CSNK1G1: variants seen among roughly 807,000 people sequenced by gnomAD.
The protein encoded by CSNK1G1 is casein kinase I isoform gamma-1.
CSNK1G1 carries 22 observed loss-of-function variants against 59.6 expected under a neutral mutation model. The observed-to-expected ratio is 0.37, with a 90% confidence interval of 0.26 to 0.53. The LOEUF (loss-of-function observed/expected upper bound fraction) is 0.53. Among genes scored for constraint, CSNK1G1 ranks in the 20% least tolerant of loss-of-function variants. The pLI is 0.89. For synonymous variants in CSNK1G1, 179 were observed against 177.1 expected, an observed-to-expected ratio of 1.01 and a Z score of -0.08; for missense variants, 384 against 519.5, an observed-to-expected ratio of 0.74 and a Z score of 2.54.
In CSNK1G1 at chr15:64,167,405, G is replaced by C. The variant is rs72756914; in HGVS notation, c.*4526C>G. ...TTTGATTCCTATCAACCCCTCATGG[G>C]AAAGACTAGGAGTCTCTGCCATCGA... On this transcript the variant is annotated 3_prime_UTR_variant, in exon 12 of 12. Coordinates refer to ENST00000303052, the MANE Select transcript of CSNK1G1 (RefSeq NM_022048.5). The C allele has an allele frequency of 0.044, 6,775 of 152,676 alleles. 191 individuals carry two copies. Among genetic ancestry groups the C allele is most frequent in the South Asian group, 0.086 (416 of 4,828 alleles). 9.5% of individuals were successfully genotyped at this position (152,676 alleles called of 1,614,324 possible).
intron 2 of CSNK1G1, among the ~76,000 whole-genome samples, chr15:64,292,686 A>C (rs1421151728): frequency 6.6e-6 from 1 of 152,150 alleles, no homozygotes; most frequent in Admixed American, 6.6e-5. Context: ...GCACTTTGGG[A>C]GGCCGAGGTG....
intron 10 of CSNK1G1, among the ~76,000 whole-genome samples, chr15:64,198,594 T>C (rs2082066228): frequency 6.6e-6 from 1 of 152,108 alleles, no homozygotes; most frequent in Non-Finnish European, 1.5e-5. Context: ...CTAAAGTCAA[T>C]ACCTGTCAAT....
chr15:64,234,534 T>G (rs1260341530), intron 4 of CSNK1G1, among the ~76,000 whole-genome samples: 1 of 152,184 alleles, frequency 6.6e-6, no homozygotes. Context: ...CAATACATTG[T>G]GAAAGGTGTA....
rs1051936040 is a variant in CSNK1G1 at position 64,174,065 on chromosome 15, C to T, written c.1215-2080G>A. 2.6e-5 allele frequency among the ~76,000 whole-genome samples: 4 copies of T among 152,188 alleles called. No homozygotes were observed. The East Asian group carries it at 5.8e-4, about 22-fold the overall frequency. On this transcript the variant is annotated intron_variant, in intron 11 of 11. Transcript: ENST00000303052. ...TCATGATTTTCACAGGTATTACTAA[C>T]TTTTAAGTCAACTTCTATTCTTAAT...
chr15:64,310,905 C>T (rs1386630525), intron 1 of CSNK1G1, among the ~76,000 whole-genome samples: 2 of 149,226 alleles, frequency 1.3e-5, no homozygotes, highest in South Asian at 2.1e-4. Context: ...CTCGGGAAGC[C>T]GAGGCAGGAG....
chr15:64,275,349 T>C (rs898095057), intron 2 of CSNK1G1, among the ~76,000 whole-genome samples: 2 of 152,186 alleles, frequency 1.3e-5, no homozygotes, highest in Non-Finnish European at 1.5e-5. Context: ...AGCATCTCTT[T>C]AAGTGAGCAG....
At chr15:64,342,509 T>G (rs1897731686) in intron 1 of CSNK1G1, 1 of 152,218 alleles carries the variant, frequency 6.6e-6, no homozygotes, top group Non-Finnish European at 1.5e-5. Context: ...CTTTTAGTAA[T>G]CCAAAGTATT....
At chr15:64,206,489 C>T (rs1332587156) in intron 7 of CSNK1G1, among the ~76,000 whole-genome samples, 1 of 146,746 alleles carries the variant, frequency 6.8e-6, no homozygotes, top group Non-Finnish European at 1.5e-5. Flanking sequence ...CACCTGTAAT[C>T]CCAGCTATTC....
intron 10 of CSNK1G1, among the ~76,000 whole-genome samples, chr15:64,202,515 C>A (rs560623940): frequency 2.0e-5 from 3 of 151,914 alleles, no homozygotes; most frequent in African/African-American, 4.8e-5. Context: ...CTAGTTCCCC[C>A]CAACAGCCAA....
At chr15:64,205,216 G>C (rs932330494) in intron 7 of CSNK1G1, among the ~76,000 whole-genome samples, 1 of 151,706 alleles carries the variant, frequency 6.6e-6, no homozygotes, top group Non-Finnish European at 1.5e-5. Context: ...GAGTGGCTAG[G>C]ATAAGAAAAT....
intron 4 of CSNK1G1, among the ~76,000 whole-genome samples, chr15:64,243,984 C>T (rs1177205895): frequency 1.3e-5 from 2 of 152,012 alleles, no homozygotes; most frequent in Non-Finnish European, 2.9e-5. Context: ...GCCTGGCCAA[C>T]ATGGTGAAAC....
rs1379117081 is a variant in CSNK1G1, at chr15:64,168,346, G to A, written c.*3585C>T. On this transcript the variant is annotated 3_prime_UTR_variant, in exon 12 of 12. Transcript: ENST00000303052. ...TCTATCCACCCTTGGGGGCAGTCTG[G>A]AGTGAGATCTCTGGAAAGCACCAAG... 6.6e-6 allele frequency: 1 copy of A among 152,584 alleles called. No individual in the cohort carries two copies. The highest frequency in any genetic ancestry group is 1.5e-5 in the Non-Finnish European group (1 of 68,060). The allele number at this position is 152,584 out of a possible 1,614,324, so 9.5% of individuals were successfully genotyped here.
At chr15:64,181,192 G>C in intron 10 of CSNK1G1, 1 of 1,525,180 alleles carries the variant, frequency 6.6e-7, no homozygotes, top group Non-Finnish European at 8.7e-7. Context: ...TTATTTCAAC[G>C]ATCTTTATTT....
At chr15:64,178,556 A>G (rs1483514331) in intron 11 of CSNK1G1, among the ~76,000 whole-genome samples, 1 of 145,694 alleles carries the variant, frequency 6.9e-6, no homozygotes, top group Non-Finnish European at 1.5e-5. Context: ...ATCTCGACTC[A>G]CCACAACCCC....
chr15:64,198,608 G>A (rs375383910), intron 10 of CSNK1G1, among the ~76,000 whole-genome samples: 2 of 151,874 alleles, frequency 1.3e-5, no homozygotes, highest in Admixed American at 6.6e-5. Flanking sequence ...TGTCAATCTC[G>A]CTCAAGGAGA....
intron 4 of CSNK1G1, among the ~76,000 whole-genome samples, chr15:64,227,477 T>G (rs1596124941): frequency 6.6e-6 from 1 of 152,056 alleles, no homozygotes; most frequent in African/African-American, 2.4e-5. Flanking sequence ...CACAAACAAA[T>G]GTCTTCTCCT....
intron 2 of CSNK1G1, among the ~76,000 whole-genome samples, chr15:64,273,028 C>T (rs1893409288): frequency 6.6e-6 from 1 of 152,124 alleles, no homozygotes; most frequent in African/African-American, 2.4e-5. Context: ...TATCAATTAC[C>T]CCACTGTAAA....
chr15:64,270,090 G>A (rs749862164), intron 2 of CSNK1G1, among the ~76,000 whole-genome samples: 43 of 152,216 alleles, frequency 2.8e-4, no homozygotes, highest in Non-Finnish European at 2.6e-4. Flanking sequence ...TTATAGGCAT[G>A]AGCCACCACA....
chr15:64,194,517 C>CTTTT (rs374224209), intron 10 of CSNK1G1, among the ~76,000 whole-genome samples: 3 of 128,326 alleles, frequency 2.3e-5, no homozygotes, highest in Non-Finnish European at 3.3e-5. Flanking sequence ...CTTTTCTTTT[C>CTTTT]TTTTTTTTTT....
Sources: gnomAD v4.1 joint callset for allele counts (sites outside exome capture counted in the v4.1 genomes callset) on GRCh38, gnomAD v4.1.1 for gene constraint, MANE v1.5 for transcripts, NCBI Gene and HGNC (gene_info 2026-07-23, HGNC 2026-07-21) for gene names.